ADGRG6: variants seen among roughly 807,000 people sequenced by gnomAD.
ADGRG6 encodes the protein adhesion G protein-coupled receptor G6, also known as G-protein coupled receptor 126.
Under a neutral mutation model 142.4 loss-of-function variants are expected in ADGRG6, and 84 were observed. The ratio of observed to expected loss-of-function variants is 0.59; its 90% CI spans 0.49 to 0.71. ADGRG6 has a LOEUF of 0.71. Ranked by LOEUF, ADGRG6 falls within the 30% of genes least tolerant of loss-of-function variation. The pLI, the probability that ADGRG6 is intolerant of heterozygous loss-of-function variation, is 0.00. For synonymous variants in ADGRG6, 521 were observed against 520.5 expected (o/e 1.00, Z -0.01); for missense variants, 1,367 against 1,466.6 (o/e 0.93, Z 1.11).
Position 142,415,878 on chromosome 6 carries a change from G to A in ADGRG6, c.2752G>A (p.Asp918Asn), listed in dbSNP as rs1364381811. ...LLFLNLLFLL[D>N]GWITSFNVDG... is the part of the protein sequence containing the mutation. ...GTTCCTGAATCTCCTCTTCCTCCTA[G>A]ATGGCTGGATCACCTCCTTCAATGT... The change falls in exon 20 of 25, where the codon GAT becomes AAT. Residue 918 changes from aspartate to asparagine, a missense_variant. Coordinates refer to ENST00000367609, the MANE Select transcript of ADGRG6 (RefSeq NM_198569.3). 1 of 1,613,090 alleles carries A rather than the reference G, an allele frequency of 6.2e-7. No individual in the cohort carries two copies. Among genetic ancestry groups the A allele is most frequent in the Admixed American group, 1.7e-5 (1 of 59,922 alleles).
Position 142,443,588 on chromosome 6 carries a change from G to A in ADGRG6, c.*73G>A, listed in dbSNP as rs1777861154. ...AGCAGTGTAAACTGCAACTAGTGAT[G>A]TAAATGTGCTATTACCTAGGTAACT... On this transcript the variant is annotated 3_prime_UTR_variant, in exon 25 of 25. Transcript: ENST00000367609. The A allele has an allele frequency of 7.3e-6, 7 of 956,942 alleles. No individual in the cohort carries two copies. The highest frequency in any genetic ancestry group is 1.1e-5 in the Non-Finnish European group (7 of 624,594). 59.3% of individuals were successfully genotyped at this position (956,942 alleles called of 1,614,324 possible).
chr6:142,302,488 CG>C (rs1231693646), intron 1 of ADGRG6, 157 bp downstream of exon 1: 6 of 711,732 alleles, frequency 8.4e-6, no homozygotes. Flanking sequence ...GTTTGCCCCT[CG>C]AGGCACTGAG....
rs572796302 is a variant in ADGRG6 at position 142,360,370 on chromosome 6, G to A, written c.104-7199G>A. On this transcript the variant is annotated intron_variant, in intron 2 of 24. Coordinates refer to ENST00000367609, the MANE Select transcript of ADGRG6 (RefSeq NM_198569.3). ...TTGTTCAGATGAGATTAGCCAGCGA[G>A]AATGAGTATATATAAAGAAGAGCTG... is the stretch of plus-strand genomic sequence containing the variant. Among the ~76,000 whole-genome samples the A allele has an allele frequency of 5.3e-5, 8 of 152,290 alleles. No individual in the cohort carries two copies. The East Asian group carries it at 1.4e-3, about 26-fold the overall frequency.
At chr6:142,302,446 C>G (rs768595894) in intron 1 of ADGRG6, 115 bp downstream of exon 1, 1 of 1,106,268 alleles carries the variant, frequency 9.0e-7, no homozygotes, top group African/African-American at 1.6e-5. Flanking sequence ...AGGACTTCAA[C>G]TGCACGGAGG....
chr6:142,369,759 A>T (rs982085036), intron 3 of ADGRG6, among the ~76,000 whole-genome samples: 1 of 152,230 alleles, frequency 6.6e-6, no homozygotes, highest in African/African-American at 2.4e-5. Flanking sequence ...ACTATTATTT[A>T]TGTTTAGAAA....
chr6:142,356,356 G>A (rs532691828), intron 2 of ADGRG6, among the ~76,000 whole-genome samples: 1 of 152,240 alleles, frequency 6.6e-6, no homozygotes, highest in African/African-American at 2.4e-5. Context: ...AGCAAGATGT[G>A]GAAATTTTCT....
chr6:142,405,088 A>AT, intron 14 of ADGRG6, among the ~76,000 whole-genome samples: 1 of 152,196 alleles, frequency 6.6e-6, no homozygotes. Context: ...TGAAATCAGG[A>AT]TACAGGCAAG....
At chr6:142,411,144 A>G (rs181521221) in intron 17 of ADGRG6, among the ~76,000 whole-genome samples, 161 bp from the exon 18 acceptor site, 1 of 152,284 alleles carries the variant, frequency 6.6e-6, no homozygotes, top group Non-Finnish European at 1.5e-5. Context: ...TAGGAATCCA[A>G]ATTATTCTAA....
chr6:142,416,623 A>T (rs1322441909), intron 20 of ADGRG6, among the ~76,000 whole-genome samples: 3 of 152,286 alleles, frequency 2.0e-5, no homozygotes, highest in East Asian at 1.9e-4. Context: ...CTTCATATTG[A>T]GCCAGGCATT....
At chr6:142,372,651 C>A (rs1330512376) in intron 4 of ADGRG6, among the ~76,000 whole-genome samples, 3 of 152,144 alleles carry the variant, frequency 2.0e-5, no homozygotes, top group African/African-American at 4.8e-5. Context: ...GGTGATGTTC[C>A]CTAAGATCTT....
At chr6:142,405,917 T>C (rs1265678465) in intron 15 of ADGRG6, 89 bp downstream of exon 15, 10 of 911,366 alleles carry the variant, frequency 1.1e-5, no homozygotes, top group Admixed American at 3.4e-5. Context: ...TGTTGAAATA[T>C]ATCAGAAGGT....
intron 2 of ADGRG6, among the ~76,000 whole-genome samples, chr6:142,316,185 A>C (rs1376077070): frequency 6.6e-6 from 1 of 152,120 alleles, no homozygotes; most frequent in Non-Finnish European, 1.5e-5. Context: ...ATGCTTTATA[A>C]AAAAATTACA....
At chr6:142,394,647 C>T (rs1775078135) in intron 9 of ADGRG6, among the ~76,000 whole-genome samples, 1 of 148,592 alleles carries the variant, frequency 6.7e-6, no homozygotes, top group Admixed American at 6.8e-5. Flanking sequence ...AGTGGTGTGA[C>T]CATCACTCAC....
chr6:142,392,969 T>C lies in ADGRG6; in HGVS notation c.1330T>C (p.Trp444Arg). 1 of 1,598,228 alleles carries C rather than the reference T, an allele frequency of 6.3e-7. No individual in the cohort carries two copies. The highest frequency in any genetic ancestry group is 8.6e-7 in the Non-Finnish European group (1 of 1,166,156). The change falls in exon 8 of 25, where the codon TGG becomes CGG. Residue 444 changes from tryptophan (W) to arginine (R), a missense_variant. By Grantham distance (101) the Trp-to-Arg change is moderately radical. Around this residue, in one of 3 missense-constraint regions of ADGRG6, gnomAD observed 737 missense variants for 746.5 expected, o/e 0.99. Coordinates refer to ENST00000367609, the MANE Select transcript of ADGRG6 (RefSeq NM_198569.3). ...AEWLNSTFQN[W>R]NYTVYVVNIS... ...CCAGCTCAATTCAACCTTCCAAAAT[T>C]GGAACTACACGGTTTATGTCGTTAA... is the stretch of plus-strand genomic sequence containing the variant.
chr6:142,392,788 A>G lies in ADGRG6; in HGVS notation c.1309-160A>G, dbSNP rs1012661191. On this transcript the variant is annotated intron_variant, in intron 7 of 24. Transcript: ENST00000367609. ...TCAAATTCTTGGTATACAGTGATCCATTAACTGTTACAATGATCCATTAAC... is the reference window on the plus strand; with the variant it reads ...TCAAATTCTTGGTATACAGTGATCCGTTAACTGTTACAATGATCCATTAAC... 2.6e-5 allele frequency among the ~76,000 whole-genome samples: 4 copies of G among 152,204 alleles called. No homozygotes were observed. The South Asian group carries it at 8.3e-4, about 32-fold the overall frequency.
At chr6:142,397,019 A>ATTTT (rs1775231216) in intron 9 of ADGRG6, among the ~76,000 whole-genome samples, 1 of 152,160 alleles carries the variant, frequency 6.6e-6, no homozygotes, top group Non-Finnish European at 1.5e-5. Context: ...GACCAATCAC[A>ATTTT]GAGTCGATTT....
chr6:142,370,911 G>T lies in ADGRG6; in HGVS notation c.1069+118G>T. On this transcript the variant is annotated intron_variant, in intron 4 of 24. Coordinates refer to ENST00000367609, the MANE Select transcript of ADGRG6 (RefSeq NM_198569.3). ...ACCTGTATGTATATTCACACATATA[G>T]ACATATATATATATGTTGTCATTAA... The T allele has an allele frequency of 5.2e-6, 5 of 965,214 alleles. No individual in the cohort carries two copies. The Admixed American group carries it at 7.2e-5, about 14-fold the overall frequency. 59.8% of individuals were successfully genotyped at this position (965,214 alleles called of 1,614,324 possible). A position where few individuals can be genotyped will look rare whatever the true frequency, so the allele number is the denominator to read the frequency against.
At chr6:142,391,296 T>A (rs987233897) in intron 7 of ADGRG6, among the ~76,000 whole-genome samples, 2 of 151,776 alleles carry the variant, frequency 1.3e-5, no homozygotes, top group Non-Finnish European at 1.5e-5. Flanking sequence ...TATAATGCTG[T>A]TACAGTTCAA....
intron 19 of ADGRG6, among the ~76,000 whole-genome samples, 168 bp from the exon 20 acceptor site, chr6:142,415,628 A>G (rs545296276): frequency 7.9e-5 from 12 of 152,292 alleles, no homozygotes; most frequent in South Asian, 2.1e-4. Context: ...TAACTTGCCA[A>G]ATACTCATAA....
Sources: gnomAD v4.1 joint callset for allele counts (sites outside exome capture counted in the v4.1 genomes callset) on GRCh38, gnomAD v4.1.1 for gene constraint, gnomAD v4.1.1 regional missense constraint, MANE v1.5 for transcripts, NCBI Gene and HGNC (gene_info 2026-07-23, HGNC 2026-07-21) for gene names.